NMNAT3: variants seen among roughly 807,000 people sequenced by gnomAD.
NMNAT3 encodes nicotinamide nucleotide adenylyltransferase 3, also known as nicotinamide/nicotinic acid mononucleotide adenylyltransferase 3.
NMNAT3 carries 21 observed loss-of-function variants against 24.8 expected under a neutral mutation model. That is an observed-to-expected ratio of 0.85 (90% CI 0.60 to 1.22). The LOEUF (loss-of-function observed/expected upper bound fraction) is 1.22. NMNAT3 is among the 50% of genes most tolerant of loss of function. The probability of loss-of-function intolerance (pLI) is 0.00; values close to 1 mark genes in which losing one functional copy is unlikely to be tolerated. For synonymous variants in NMNAT3, 136 were observed against 155.2 expected, an observed-to-expected ratio of 0.88 and a Z score of 0.92; for missense variants, 387 against 436.6, an observed-to-expected ratio of 0.89 and a Z score of 1.01.
rs938475315 is a variant in NMNAT3, at chr3:139,574,551, A to G, written c.576-871T>C. ...CCATTATACACCCCTTCTTGTATCA[A>G]TTTGATCTTCCAACTTCCACTTCCT... On this transcript the variant is annotated intron_variant, in intron 5 of 6. Coordinates refer to ENST00000643695, the MANE Select transcript of NMNAT3 (RefSeq NM_001320510.2). Among the ~76,000 whole-genome samples the G allele has an allele frequency of 3.3e-5, 5 of 152,306 alleles. No homozygotes were observed. The South Asian group carries it at 6.2e-4, about 19-fold the overall frequency.
At chr3:139,613,401 C>A (rs372518758) in intron 3 of NMNAT3, among the ~76,000 whole-genome samples, 1 of 152,130 alleles carries the variant, frequency 6.6e-6, no homozygotes, top group African/African-American at 2.4e-5. Context: ...TCATCACTGG[C>A]CATCAGAGAA....
intron 6 of NMNAT3, among the ~76,000 whole-genome samples, chr3:139,563,222 TATGTA>T (rs1936681376): frequency 6.6e-6 from 1 of 152,220 alleles, no homozygotes; most frequent in African/African-American, 2.4e-5. Context: ...TCACAACACA[TATGTA>T]TATTTGAACG....
intron 6 of NMNAT3, chr3:139,569,551 C>A (rs1429343641): frequency 2.6e-5 from 4 of 152,104 alleles, no homozygotes; most frequent in African/African-American, 9.7e-5. Context: ...GTGACAAAAT[C>A]TCTCAGCATT....
At chr3:139,574,135 C>T (rs932807644) in intron 5 of NMNAT3, among the ~76,000 whole-genome samples, 1 of 152,214 alleles carries the variant, frequency 6.6e-6, no homozygotes, top group African/African-American at 2.4e-5. Context: ...AGCACTGGCA[C>T]AGTGCATGGC....
chr3:139,659,595 T>C (rs1317510702), intron 1 of NMNAT3, among the ~76,000 whole-genome samples: 3 of 151,554 alleles, frequency 2.0e-5, no homozygotes, highest in East Asian at 1.9e-4. Context: ...TAAACAAACA[T>C]ATAGGGGGGA....
intron 1 of NMNAT3, among the ~76,000 whole-genome samples, chr3:139,651,952 C>T (rs2057069211): frequency 6.6e-6 from 1 of 152,212 alleles, no homozygotes. Context: ...TAAGTCCTCC[C>T]TTCCTCACTG....
At chr3:139,591,539 G>T (rs2054179928) in intron 3 of NMNAT3, among the ~76,000 whole-genome samples, 1 of 152,176 alleles carries the variant, frequency 6.6e-6, no homozygotes, top group Non-Finnish European at 1.5e-5. Flanking sequence ...CAAAAAGACA[G>T]CAGTAACCTC....
At chr3:139,640,834 C>T (rs777782617) in intron 1 of NMNAT3, among the ~76,000 whole-genome samples, 2 of 152,250 alleles carry the variant, frequency 1.3e-5, no homozygotes, top group Non-Finnish European at 2.9e-5. Flanking sequence ...TATGAGCAGA[C>T]TGCCATGGTG....
chr3:139,607,917 C>G (rs1300088452), intron 3 of NMNAT3, among the ~76,000 whole-genome samples: 1 of 152,340 alleles, frequency 6.6e-6, no homozygotes, highest in East Asian at 1.9e-4. Flanking sequence ...CAAGGCCTAA[C>G]TCCGTCTTGA....
At chr3:139,653,584 G>A (rs146093546) in intron 1 of NMNAT3, among the ~76,000 whole-genome samples, 330 of 152,330 alleles carry the variant, frequency 2.2e-3, no homozygotes, top group African/African-American at 7.4e-3. Context: ...TAGTAGCCAC[G>A]TGTTGGGGTC....
At chr3:139,669,109 T>C (rs1374331745) in intron 1 of NMNAT3, among the ~76,000 whole-genome samples, 4 of 152,228 alleles carry the variant, frequency 2.6e-5, no homozygotes, top group Non-Finnish European at 1.5e-5. Flanking sequence ...AGAGTGTTTC[T>C]AGAATCTGCA....
intron 6 of NMNAT3, among the ~76,000 whole-genome samples, chr3:139,562,708 T>A (rs745368211): frequency 6.6e-6 from 1 of 152,180 alleles, no homozygotes; most frequent in Non-Finnish European, 1.5e-5. Flanking sequence ...CATGGAGAAG[T>A]CTGAGTCCTG....
At chr3:139,578,748 G>T in intron 5 of NMNAT3, 124 bp downstream of exon 5, 1 of 762,278 alleles carries the variant, frequency 1.3e-6, no homozygotes, top group Non-Finnish European at 2.0e-6. Flanking sequence ...ACTGCTTCTT[G>T]GATATTTGCT....
At chr3:139,568,248 C>G (rs955647972) in intron 6 of NMNAT3, 26 of 152,006 alleles carry the variant, frequency 1.7e-4, no homozygotes, top group Non-Finnish European at 2.9e-4. Flanking sequence ...CTTTATTAGT[C>G]TTGCTAGTGG....
intron 1 of NMNAT3, among the ~76,000 whole-genome samples, chr3:139,659,380 CTAGAG>C (rs1355212523): frequency 6.6e-6 from 1 of 152,126 alleles, no homozygotes; most frequent in Non-Finnish European, 1.5e-5. Flanking sequence ...AAGCACAGTT[CTAGAG>C]TAGAGACTCC....
At position 139,627,797 on chromosome 3, in the gene NMNAT3, T is replaced by A. The variant is rs570488212; in HGVS notation, c.-40-33A>T. On this transcript the variant is annotated intron_variant, in intron 2 of 6. Coordinates refer to ENST00000643695, the MANE Select transcript of NMNAT3 (RefSeq NM_001320510.2). ...GGGGACAAAAGCTCATGTCAGGGAG[T>A]TAGCACTGAGACAATTATCCAGATC... 217 of 771,500 alleles carry A rather than the reference T, an allele frequency of 2.8e-4. 2 individuals are homozygous for A. The East Asian group carries it at 5.7e-3, about 20-fold the overall frequency. The allele number at this position is 771,500 out of a possible 1,614,324, so 47.8% of individuals were successfully genotyped here. A position where few individuals can be genotyped will look rare whatever the true frequency, so the allele number is the denominator to read the frequency against.
chr3:139,582,336 T>G (rs4395367), intron 4 of NMNAT3, among the ~76,000 whole-genome samples: 50,656 of 151,572 alleles, frequency 0.33, 10,384 homozygotes, highest in South Asian at 0.63. Context: ...GAGAATATTC[T>G]TATTCTTAGA....
At chr3:139,622,800 GAT>G (rs1218027385) in intron 3 of NMNAT3, among the ~76,000 whole-genome samples, 5 of 136,538 alleles carry the variant, frequency 3.7e-5, no homozygotes, top group South Asian at 2.2e-4. Context: ...TGATATATAT[GAT>G]ATATATATAA....
chr3:139,614,074 C>T (rs1317750806), intron 3 of NMNAT3, among the ~76,000 whole-genome samples: 1 of 151,976 alleles, frequency 6.6e-6, no homozygotes, highest in East Asian at 1.9e-4. Context: ...CAACATGGCA[C>T]ATGTATACAT....
Sources: gnomAD v4.1 joint callset for allele counts (sites outside exome capture counted in the v4.1 genomes callset) on GRCh38, gnomAD v4.1.1 for gene constraint, MANE v1.5 for transcripts, NCBI Gene and HGNC (gene_info 2026-07-23, HGNC 2026-07-21) for gene names.